The following ZFP62 variants were observed in gnomAD, a reference collection of about 807,000 sequenced individuals.
ZFP62 encodes the protein ZFP62 zinc finger protein, also known as zinc finger protein 62 homolog.
Under a neutral mutation model 56.4 loss-of-function variants are expected in ZFP62, and 44 were observed. That is an observed-to-expected ratio of 0.78 (90% CI 0.61 to 1.00). The LOEUF (loss-of-function observed/expected upper bound fraction) is 1.00, where lower values mean the gene tolerates loss of function less well. Among genes scored for constraint, ZFP62 ranks in the 50% least tolerant of loss-of-function variants. The pLI, the probability that ZFP62 is intolerant of heterozygous loss-of-function variation, is 0.00. For missense variants in ZFP62, 1,030 were observed against 1,085.7 expected, an observed-to-expected ratio of 0.95 and a Z score of 0.72; for synonymous variants, 421 against 388.9, an observed-to-expected ratio of 1.08 and a Z score of -0.97.
chr5:180,854,519 G>A (rs1773872158), intron 1 of ZFP62, among the ~76,000 whole-genome samples: 1 of 152,194 alleles, frequency 6.6e-6, no homozygotes, highest in Admixed American at 6.5e-5. Flanking sequence ...ACGTCTAGGA[G>A]GAAATTCTGA....
intron 1 of ZFP62, among the ~76,000 whole-genome samples, chr5:180,856,352 A>C (rs1281687372): frequency 6.6e-6 from 1 of 152,254 alleles, no homozygotes; most frequent in East Asian, 1.9e-4. Context: ...GATCCATCAA[A>C]AACACAGGCA....
At chr5:180,833,145 T>A in the ZFP62 span, among the ~76,000 whole-genome samples, 1 of 152,072 alleles carries the variant, frequency 6.6e-6, no homozygotes, top group African/African-American at 2.4e-5. Context: ...GTGGGGCCTT[T>A]GGGAGGTAAT....
chr5:180,859,466 A>C (rs948956496), intron 1 of ZFP62, among the ~76,000 whole-genome samples: 1 of 152,236 alleles, frequency 6.6e-6, no homozygotes, highest in African/African-American at 2.4e-5. Flanking sequence ...TGTCTTATGA[A>C]TATTAGGAAT....
At chr5:180,853,785 G>T (rs1030707639) in intron 1 of ZFP62, among the ~76,000 whole-genome samples, 1 of 152,174 alleles carries the variant, frequency 6.6e-6, no homozygotes, top group African/African-American at 2.4e-5. Context: ...TTCTGTAGAG[G>T]TATGAACAAA....
Position 180,850,435 on chromosome 5 carries a change from G to C in ZFP62, c.1060C>G (p.Gln354Glu), listed in dbSNP as rs369504205. 13 of 1,554,724 alleles carry C rather than the reference G, an allele frequency of 8.4e-6. No individual in the cohort carries two copies. Among genetic ancestry groups the C allele is most frequent in the East Asian group, 2.4e-5 (1 of 41,146 alleles). ...TCTCCAGTGTGGATGACTTTATGCT[G>C]AATGAGAAGAGAGCTATAATTAAAA... ...KSFNYSSLLIQHKVIHTGEKP... is the reference protein window; with the variant it reads ...KSFNYSSLLIEHKVIHTGEKP... Residue 354 changes from glutamine to glutamate, a missense_variant, in exon 2 of 2, where the codon CAG (glutamine) becomes GAG (glutamate). Coordinates refer to ENST00000502412, the MANE Select transcript of ZFP62 (RefSeq NM_001172638.2).
the ZFP62 span, among the ~76,000 whole-genome samples, chr5:180,836,548 A>G: frequency 6.6e-6 from 1 of 152,186 alleles, no homozygotes; most frequent in Admixed American, 6.5e-5. Flanking sequence ...TAATTTGATT[A>G]CCTTTGTAAA....
At position 180,847,755 on chromosome 5, in the gene ZFP62, C is replaced by G; in HGVS notation, c.*1037G>C. 1 of 985,452 alleles carries G rather than the reference C, an allele frequency of 1.0e-6. No individual in the cohort carries two copies. The highest frequency in any genetic ancestry group is 4.7e-5 in the South Asian group (1 of 21,286). 61.0% of individuals were successfully genotyped at this position (985,452 alleles called of 1,614,324 possible). A position where few individuals can be genotyped will look rare whatever the true frequency, so the allele number is the denominator to read the frequency against. On this transcript the variant is annotated 3_prime_UTR_variant, in exon 2 of 2. Transcript: ENST00000502412. Reference sequence around the variant, plus strand: ...AACATATACATGTCCTGCATGACATCTTTACAATAACACATTCCAAAAACA... The same window carrying G: ...AACATATACATGTCCTGCATGACATGTTTACAATAACACATTCCAAAAACA...
chr5:180,830,535 G>A, the ZFP62 span: 1 of 152,610 alleles, frequency 6.6e-6, no homozygotes, highest in African/African-American at 2.4e-5. Flanking sequence ...TCTTGCCTAA[G>A]CCACCACCAT....
chr5:180,840,544 G>A, the ZFP62 span, among the ~76,000 whole-genome samples: 1 of 152,054 alleles, frequency 6.6e-6, no homozygotes, highest in African/African-American at 2.4e-5. Flanking sequence ...GGATCATAAG[G>A]TCAGGAGTTC....
At chr5:180,840,318 G>A in the ZFP62 span, among the ~76,000 whole-genome samples, 1 of 152,282 alleles carries the variant, frequency 6.6e-6, no homozygotes, top group Admixed American at 6.5e-5. Context: ...GAGGAGCTGG[G>A]GATGGGGAAG....
the ZFP62 span, chr5:180,831,696 G>C: frequency 1.3e-5 from 2 of 152,518 alleles, no homozygotes; most frequent in Admixed American, 6.5e-5. Context: ...CCCAACGACC[G>C]TTCTCCATTC....
chr5:180,843,784 A>G (rs980886030), downstream of ZFP62, among the ~76,000 whole-genome samples: 3 of 152,250 alleles, frequency 2.0e-5, no homozygotes, highest in African/African-American at 7.2e-5. Flanking sequence ...CTTTATGTAG[A>G]TGACTGCATG....
downstream of ZFP62, among the ~76,000 whole-genome samples, chr5:180,844,301 G>A (rs1773370290): frequency 6.6e-6 from 1 of 152,212 alleles, no homozygotes; most frequent in South Asian, 2.1e-4. Context: ...GAAAATGACA[G>A]AACAGGAAAT....
chr5:180,860,337 A>G (rs1774234358), intron 1 of ZFP62, among the ~76,000 whole-genome samples: 3 of 152,190 alleles, frequency 2.0e-5, no homozygotes, highest in South Asian at 4.1e-4. Flanking sequence ...AATATATTAC[A>G]TATTTCATAT....
At chr5:180,861,090 G>T in intron 1 of ZFP62, 129 bp downstream of exon 1, 1 of 397,582 alleles carries the variant, frequency 2.5e-6, no homozygotes, top group South Asian at 1.3e-4. Flanking sequence ...AGACATGTGC[G>T]GGGAGGGGGC....
At position 180,849,049 on chromosome 5, in the gene ZFP62, C is replaced by T; in HGVS notation, c.2446G>A (p.Glu816Lys). 1 of 1,552,274 alleles carries T rather than the reference C, an allele frequency of 6.4e-7. No homozygotes were observed. Among genetic ancestry groups the T allele is most frequent in the Non-Finnish European group, 8.7e-7 (1 of 1,147,132 alleles). Residue 816 changes from glutamate to lysine, a missense_variant, in exon 2 of 2, where the codon GAG (glutamate) becomes AAG (lysine). Coordinates refer to ENST00000502412, the MANE Select transcript of ZFP62 (RefSeq NM_001172638.2). ...CTATAATTGAAGGATTTCCCACACT[C>T]ACAATTATAGGGCTGCTTCCCCTGG... ...VHQGKQPYNC[E>K]CGKSFNYRSV...
chr5:180,859,667 C>T (rs1774202735), intron 1 of ZFP62, among the ~76,000 whole-genome samples: 1 of 152,146 alleles, frequency 6.6e-6, no homozygotes, highest in African/African-American at 2.4e-5. Flanking sequence ...CTGAATCAAA[C>T]CCGGCAGGGA....
At chr5:180,860,884 G>T (rs1028004631) in intron 1 of ZFP62, among the ~76,000 whole-genome samples, 1 of 152,156 alleles carries the variant, frequency 6.6e-6, no homozygotes, top group African/African-American at 2.4e-5. Flanking sequence ...CCAAAACAGG[G>T]ATGAATAGTT....
At chr5:180,834,192 G>C in the ZFP62 span, 1 of 152,210 alleles carries the variant, frequency 6.6e-6, no homozygotes, top group South Asian at 2.1e-4. Context: ...GAATACCCGA[G>C]ACTGGGTAAT....
Sources: allele counts gnomAD v4.1 joint callset (sites outside exome capture counted in the v4.1 genomes callset), GRCh38; gene constraint gnomAD v4.1.1; transcripts MANE v1.5; gene names NCBI Gene and HGNC (gene_info 2026-07-23, HGNC 2026-07-21).